Variants in GPATCH2 observed in about 807,000 individuals in gnomAD.
The protein encoded by GPATCH2 is G-patch domain containing 2, also known as G patch domain-containing protein 2.
GPATCH2 carries 51 observed loss-of-function variants against 58.0 expected under a neutral mutation model. That is an observed-to-expected ratio of 0.88 (90% CI 0.70 to 1.11). The LOEUF is 1.11. GPATCH2 is among the 50% of genes most tolerant of loss of function. GPATCH2 has a pLI of 0.00. For synonymous variants in GPATCH2, 222 were observed against 218.5 expected (o/e 1.02, Z -0.14); for missense variants, 625 against 652.2 (o/e 0.96, Z 0.45).
intron 5 of GPATCH2, among the ~76,000 whole-genome samples, chr1:217,560,445 G>A (rs986743288): frequency 1.3e-5 from 2 of 152,004 alleles, no homozygotes; most frequent in Admixed American, 1.3e-4. Flanking sequence ...CATGTTGAAT[G>A]AATGAAAAAA....
At chr1:217,480,862 G>A (rs1434221183) in intron 8 of GPATCH2, among the ~76,000 whole-genome samples, 1 of 152,182 alleles carries the variant, frequency 6.6e-6, no homozygotes, top group African/African-American at 2.4e-5. Flanking sequence ...AGTTGATTAT[G>A]CTAAGTGAAA....
At chr1:217,536,458 CTG>C (rs1231293187) in intron 5 of GPATCH2, among the ~76,000 whole-genome samples, 8 of 152,300 alleles carry the variant, frequency 5.3e-5, no homozygotes, top group African/African-American at 1.9e-4. Flanking sequence ...TTCATTCAAA[CTG>C]ATACTCTCCA....
chr1:217,497,773 T>C (rs1662084235), intron 7 of GPATCH2, among the ~76,000 whole-genome samples: 1 of 152,138 alleles, frequency 6.6e-6, no homozygotes, highest in Non-Finnish European at 1.5e-5. Flanking sequence ...ACATCACAAG[T>C]TTAAGCATGC....
intron 8 of GPATCH2, among the ~76,000 whole-genome samples, chr1:217,486,099 T>A (rs77051975): frequency 0.068 from 10,353 of 152,308 alleles, 572 homozygotes; most frequent in Non-Finnish European, 0.099. Context: ...AGATAGTATT[T>A]AATCCATAGA....
At chr1:217,500,500 T>A (rs1459279299) in intron 6 of GPATCH2, among the ~76,000 whole-genome samples, 5 of 152,112 alleles carry the variant, frequency 3.3e-5, no homozygotes, top group African/African-American at 9.7e-5. Context: ...ATAGTGAGAA[T>A]GGTTGAGAAG....
intron 6 of GPATCH2, among the ~76,000 whole-genome samples, chr1:217,510,451 T>C (rs777679232): frequency 8.1e-4 from 122 of 151,120 alleles, no homozygotes; most frequent in Non-Finnish European, 1.3e-3. Flanking sequence ...CTTAAACTCC[T>C]GTTTAATATA....
At chr1:217,545,384 G>A (rs1444939917) in intron 5 of GPATCH2, among the ~76,000 whole-genome samples, 2 of 152,176 alleles carry the variant, frequency 1.3e-5, no homozygotes, top group Admixed American at 1.3e-4. Flanking sequence ...CTTAGAGTGA[G>A]GTCTTGGCCT....
intron 5 of GPATCH2, among the ~76,000 whole-genome samples, chr1:217,567,435 G>A (rs1571931941): frequency 1.3e-5 from 2 of 152,134 alleles, no homozygotes; most frequent in African/African-American, 4.8e-5. Context: ...TTAATGTAAT[G>A]TCTTATACAT....
intron 6 of GPATCH2, among the ~76,000 whole-genome samples, chr1:217,504,895 AG>A (rs756868184): frequency 7.2e-5 from 11 of 152,348 alleles, no homozygotes; most frequent in Non-Finnish European, 1.5e-4. Context: ...TGAGCAAACA[AG>A]GAAACACAGG....
At chr1:217,621,833 C>T (rs1669204728) in intron 1 of GPATCH2, among the ~76,000 whole-genome samples, 1 of 152,200 alleles carries the variant, frequency 6.6e-6, no homozygotes, top group Non-Finnish European at 1.5e-5. Flanking sequence ...TAATGTGATG[C>T]ATACAAACAG....
intron 5 of GPATCH2, among the ~76,000 whole-genome samples, chr1:217,556,072 CAAGA>C (rs1173005415): frequency 1.3e-5 from 2 of 152,018 alleles, no homozygotes; most frequent in African/African-American, 4.8e-5. Context: ...ATAATTTATC[CAAGA>C]AAGAAATTTT....
At chr1:217,493,851 TTA>T (rs1661870894) in intron 7 of GPATCH2, among the ~76,000 whole-genome samples, 1 of 152,118 alleles carries the variant, frequency 6.6e-6, no homozygotes, top group Non-Finnish European at 1.5e-5. Flanking sequence ...TAATAGTTAA[TTA>T]TGTTTTCTAA....
intron 1 of GPATCH2, among the ~76,000 whole-genome samples, chr1:217,627,333 CT>C (rs1254351470): frequency 6.6e-6 from 1 of 151,930 alleles, no homozygotes; most frequent in Non-Finnish European, 1.5e-5. Flanking sequence ...TTCAATCTTT[CT>C]GAGGTCATGA....
intron 5 of GPATCH2, among the ~76,000 whole-genome samples, chr1:217,558,285 C>T (rs191023036): frequency 6.6e-6 from 1 of 152,236 alleles, no homozygotes; most frequent in Admixed American, 6.5e-5. Context: ...TATATTTAAA[C>T]ACTTAACACC....
At chr1:217,450,329 T>G (rs1196258078) in intron 8 of GPATCH2, among the ~76,000 whole-genome samples, 1 of 151,916 alleles carries the variant, frequency 6.6e-6, no homozygotes, top group Non-Finnish European at 1.5e-5. Context: ...ACAAACAGAT[T>G]ATTAGGAAGA....
chr1:217,541,351 A>G (rs765234223), intron 5 of GPATCH2, among the ~76,000 whole-genome samples: 6 of 152,224 alleles, frequency 3.9e-5, no homozygotes, highest in Non-Finnish European at 8.8e-5. Context: ...GCACAAGGTA[A>G]TAACTGCTCT....
At chr1:217,610,007 A>AGTCAGCAAAAGGTATTTAGTCACCAATTT in intron 5 of GPATCH2, 3 of 1,410,312 alleles carry the variant, frequency 2.1e-6, no homozygotes, top group Non-Finnish European at 2.8e-6. Context: ...GAAGAATACC[A>AGTCAGCAAAAGGTATTTAGTCACCAATTT]GTCCTCCAGC....
chr1:217,445,509 A>G (rs1659346847), intron 9 of GPATCH2, among the ~76,000 whole-genome samples: 1 of 152,088 alleles, frequency 6.6e-6, no homozygotes, highest in Non-Finnish European at 1.5e-5. Flanking sequence ...TTCAAACTAT[A>G]AAATGCATTC....
chr1:217,610,266 C>A (rs1404003825), intron 5 of GPATCH2, 55 bp downstream of exon 5: 1 of 1,488,614 alleles, frequency 6.7e-7, no homozygotes, highest in African/African-American at 1.4e-5. Context: ...CTTTTTATTC[C>A]ATAGAAATGG....
Sources: allele counts gnomAD v4.1 joint callset (sites outside exome capture counted in the v4.1 genomes callset), GRCh38; gene constraint gnomAD v4.1.1; transcripts MANE v1.5; gene names NCBI Gene and HGNC (gene_info 2026-07-23, HGNC 2026-07-21).